Variants in ZNF787 observed in about 807,000 individuals in gnomAD.
The protein encoded by ZNF787 is TTF-I-interacting peptide 20.
ZNF787 carries 7 observed loss-of-function variants against 16.9 expected under a neutral mutation model. The observed-to-expected ratio is 0.42, with a 90% CI of 0.24 to 0.78. The LOEUF (loss-of-function observed/expected upper bound fraction) is 0.78. Ranked by LOEUF, ZNF787 falls within the 30% of genes least tolerant of loss-of-function variation. The probability of loss-of-function intolerance (pLI) is 0.30; values close to 1 mark genes in which losing one functional copy is unlikely to be tolerated. For synonymous variants in ZNF787, 345 were observed against 270.9 expected (o/e 1.27, Z -2.69); for missense variants, 551 against 589.3 (o/e 0.94, Z 0.67).
rs577691808 is a variant in ZNF787, at chr19:56,093,823, G to A, written c.80-4731C>T. ...CGAAGGATCGGTGACTTCCTTTAGCGTCCAGCAATTCTAACGCAACCATCT... is the reference window on the plus strand; with the variant it reads ...CGAAGGATCGGTGACTTCCTTTAGCATCCAGCAATTCTAACGCAACCATCT... On this transcript the variant is annotated intron_variant, in intron 2 of 2. Coordinates refer to ENST00000610935, the MANE Select transcript of ZNF787 (RefSeq NM_001002836.4). Among the ~76,000 whole-genome samples, 5 of 152,242 alleles carry A rather than the reference G, an allele frequency of 3.3e-5. No individual in the cohort carries two copies. In the South Asian group the frequency reaches 6.2e-4, roughly 19 times the overall value.
At chr19:56,091,930 G>A (rs62122404) in intron 2 of ZNF787, among the ~76,000 whole-genome samples, 1,311 of 85,222 alleles carry the variant, frequency 0.015, 7 homozygotes, top group South Asian at 0.047. Flanking sequence ...AGCCGAAGCC[G>A]AAGCCGAAGC....
chr19:56,099,347 G>C (rs1986001752), intron 2 of ZNF787, among the ~76,000 whole-genome samples: 1 of 152,198 alleles, frequency 6.6e-6, no homozygotes, highest in Non-Finnish European at 1.5e-5. Context: ...CAGGCACGCA[G>C]GGGAGGGGAC....
intron 1 of ZNF787, among the ~76,000 whole-genome samples, chr19:56,113,597 G>A (rs983146998): frequency 6.6e-6 from 1 of 152,136 alleles, no homozygotes; most frequent in African/African-American, 2.4e-5. Context: ...AAACAAGCCC[G>A]ATGCAGAACA....
intron 1 of ZNF787, among the ~76,000 whole-genome samples, chr19:56,104,615 A>T (rs1454099499): frequency 2.0e-5 from 3 of 150,930 alleles, no homozygotes; most frequent in Non-Finnish European, 4.4e-5. Context: ...ACATGACACC[A>T]CCAAACCGTG....
chr19:56,107,024 C>T (rs1490344096), intron 1 of ZNF787, among the ~76,000 whole-genome samples: 1 of 152,180 alleles, frequency 6.6e-6, no homozygotes, highest in Non-Finnish European at 1.5e-5. Flanking sequence ...GAACTCGGGA[C>T]GTGCCTGTTT....
chr19:56,114,636 TC>T (rs2030080205), intron 1 of ZNF787, among the ~76,000 whole-genome samples: 1 of 152,158 alleles, frequency 6.6e-6, no homozygotes, highest in African/African-American at 2.4e-5. Context: ...ACCCCACCTT[TC>T]CCATGGCAGG....
intron 1 of ZNF787, among the ~76,000 whole-genome samples, chr19:56,113,687 ACG>A (rs2030047278): frequency 3.8e-5 from 1 of 26,076 alleles, no homozygotes; most frequent in Non-Finnish European, 5.5e-4. Flanking sequence ...AGGAACCGGG[ACG>A]CAGGGAGGCA....
chr19:56,103,420 G>A (rs1421793882), intron 1 of ZNF787, 193 bp from the exon 2 acceptor site: 3 of 472,454 alleles, frequency 6.3e-6, no homozygotes, highest in Middle Eastern at 5.5e-4. Flanking sequence ...GCAGGGGCCA[G>A]CCAAGGCCTC....
chr19:56,092,593 A>G (rs1345206420), intron 2 of ZNF787, among the ~76,000 whole-genome samples: 1 of 151,206 alleles, frequency 6.6e-6, no homozygotes, highest in East Asian at 1.9e-4. Context: ...ATTCAGGACT[A>G]AAGTTTTCAT....
At chr19:56,098,797 CGCAGG>C (rs1568527185) in intron 2 of ZNF787, among the ~76,000 whole-genome samples, 2 of 129,720 alleles carry the variant, frequency 1.5e-5, no homozygotes, top group East Asian at 6.1e-4. Context: ...TGATTACGGC[CGCAGG>C]GTGATGCTGC....
chr19:56,090,084 C>T (rs974276514), intron 2 of ZNF787, among the ~76,000 whole-genome samples: 19 of 152,186 alleles, frequency 1.2e-4, no homozygotes, highest in Non-Finnish European at 2.2e-4. Context: ...ACAATTACAA[C>T]GTTCTCACTC....
intron 1 of ZNF787, among the ~76,000 whole-genome samples, chr19:56,105,104 A>G (rs1049695630): frequency 5.9e-5 from 9 of 152,196 alleles, no homozygotes; most frequent in Non-Finnish European, 8.8e-5. Flanking sequence ...TGGGCGACAG[A>G]GCAAGACTCT....
intron 1 of ZNF787, among the ~76,000 whole-genome samples, chr19:56,112,657 T>C (rs1402747490): frequency 6.8e-6 from 1 of 148,056 alleles, no homozygotes; most frequent in East Asian, 2.1e-4. Flanking sequence ...CCCCCCAGTC[T>C]CTTATTCCTT....
intron 2 of ZNF787, among the ~76,000 whole-genome samples, chr19:56,096,285 G>T (rs1985870808): frequency 2.4e-5 from 3 of 125,878 alleles, no homozygotes; most frequent in Non-Finnish European, 5.6e-5. Context: ...TGGGTGTGGT[G>T]GCGTGTGCCT....
Position 56,088,374 on chromosome 19 carries a change from G to T in ZNF787, c.798C>A (p.Ala266=), listed in dbSNP as rs924760971. The T allele has an allele frequency of 1.4e-5, 16 of 1,107,414 alleles. No homozygotes were observed. The highest frequency in any genetic ancestry group is 1.7e-5 in the African/African-American group (1 of 58,708). The allele number at this position is 1,107,414 out of a possible 1,614,324, so 68.6% of individuals were successfully genotyped here. A position where few individuals can be genotyped will look rare whatever the true frequency, so the allele number is the denominator to read the frequency against. The stretch of plus-strand genomic sequence containing the variant: ...GGGCGCGCCGCGACCGGGGCCCCGC[G>T]GCCTTTGCCCCCGCGCCCGCCATGG... ...AAAMAGAGAK[A]AGPRSRRAPA... is the part of the protein sequence containing the mutation. The change falls in exon 3 of 3, where the codon GCC becomes GCA. Residue 266 remains alanine (A), a synonymous_variant. Coordinates refer to ENST00000610935, the MANE Select transcript of ZNF787 (RefSeq NM_001002836.4). This position sits in a 1 kb window ranked among gnomAD's most constrained non-coding sequence, Gnocchi z 8.6.
At chr19:56,113,500 C>T (rs2030042270) in intron 1 of ZNF787, among the ~76,000 whole-genome samples, 1 of 152,182 alleles carries the variant, frequency 6.6e-6, no homozygotes, top group Admixed American at 6.5e-5. Flanking sequence ...AACTGTGGTC[C>T]ATCCATGACC....
chr19:56,102,713 T>G (rs1000537634), intron 2 of ZNF787: 4 of 560,896 alleles, frequency 7.1e-6, no homozygotes, highest in East Asian at 2.9e-5. Flanking sequence ...GCGGGTTCCC[T>G]GCGCTCCTGG....
chr19:56,117,383 A>G (rs1315352321), intron 1 of ZNF787, among the ~76,000 whole-genome samples: 2 of 151,846 alleles, frequency 1.3e-5, no homozygotes, highest in East Asian at 1.9e-4. Context: ...CGGAGTGGCT[A>G]GTACAACCTC....
chr19:56,092,016 A>AAGCCGAAGCCGAAGCCGAAGCCGAAG (rs1985611148), intron 2 of ZNF787, among the ~76,000 whole-genome samples: 86 of 145,008 alleles, frequency 5.9e-4, no homozygotes, highest in African/African-American at 2.3e-3. Flanking sequence ...CAAAGCCGAA[A>AAGCCGAAGCCGAAGCCGAAGCCGAAG]CCGAAGCCGA....
Sources: allele counts gnomAD v4.1 joint callset (sites outside exome capture counted in the v4.1 genomes callset), GRCh38; gene constraint gnomAD v4.1.1; non-coding constraint Gnocchi (gnomAD v3.1); transcripts MANE v1.5; gene names NCBI Gene and HGNC (gene_info 2026-07-23, HGNC 2026-07-21).